The following CCSER1 variants were observed in gnomAD, a reference collection of about 807,000 sequenced individuals.
The protein encoded by CCSER1 is coiled-coil serine rich protein 1, also known as serine-rich coiled-coil domain-containing protein 1.
A neutral mutation model predicts 82.0 loss-of-function variants in CCSER1; 41 were observed. The observed-to-expected ratio is 0.50, with a 90% confidence interval of 0.39 to 0.65. CCSER1 has a LOEUF of 0.65. Ranked by LOEUF, CCSER1 falls within the 30% of genes least tolerant of loss-of-function variation. The pLI is 0.00. For missense variants in CCSER1, 1,119 were observed against 1,064.2 expected, an observed-to-expected ratio of 1.05 and a Z score of -0.72; for synonymous variants, 414 against 383.9, an observed-to-expected ratio of 1.08 and a Z score of -0.92.
At chr4:91,331,116 T>G (rs1423538046) in intron 10 of CCSER1, among the ~76,000 whole-genome samples, 1 of 152,118 alleles carries the variant, frequency 6.6e-6, no homozygotes. Context: ...GGAACTACTG[T>G]ACATGATTCA....
intron 4 of CCSER1, among the ~76,000 whole-genome samples, chr4:90,434,503 A>G (rs951481436): frequency 3.3e-5 from 5 of 152,210 alleles, no homozygotes; most frequent in Non-Finnish European, 7.3e-5. Context: ...GCAGAACTGA[A>G]GAACTTCAAA....
At chr4:90,910,376 G>A (rs1359723581) in intron 8 of CCSER1, among the ~76,000 whole-genome samples, 1 of 152,144 alleles carries the variant, frequency 6.6e-6, no homozygotes, top group African/African-American at 2.4e-5. Flanking sequence ...AGTTATCTGG[G>A]TACAAGTATT....
At chr4:90,850,262 A>G (rs1381595254) in intron 8 of CCSER1, among the ~76,000 whole-genome samples, 1 of 152,206 alleles carries the variant, frequency 6.6e-6, no homozygotes, top group Non-Finnish European at 1.5e-5. Context: ...TGGAGCCCTC[A>G]TGGCTCACTA....
chr4:90,345,878 AT>A (rs1561067270), intron 3 of CCSER1, among the ~76,000 whole-genome samples: 1 of 152,138 alleles, frequency 6.6e-6, no homozygotes, highest in Non-Finnish European at 1.5e-5. Flanking sequence ...CATTTCAGAA[AT>A]TAACCATTAC....
chr4:90,979,828 G>A (rs192002095), intron 9 of CCSER1, among the ~76,000 whole-genome samples: 26 of 151,824 alleles, frequency 1.7e-4, no homozygotes, highest in Admixed American at 1.6e-3. Flanking sequence ...CTCTCCCTGT[G>A]TTAAGCCATA....
At chr4:91,380,700 G>A (rs535213816) in intron 10 of CCSER1, among the ~76,000 whole-genome samples, 2 of 152,088 alleles carry the variant, frequency 1.3e-5, no homozygotes, top group Admixed American at 6.6e-5. Flanking sequence ...CTCTTTATCT[G>A]ATTTGCCAGT....
At chr4:90,997,909 C>G (rs977375759) in intron 9 of CCSER1, among the ~76,000 whole-genome samples, 1 of 152,026 alleles carries the variant, frequency 6.6e-6, no homozygotes, top group Non-Finnish European at 1.5e-5. Flanking sequence ...AAGCTGAGAG[C>G]ATAATATTGA....
Position 90,395,272 on chromosome 4 carries a change from T to C in CCSER1, c.1510-4764T>C, listed in dbSNP as rs148776360. Among the ~76,000 whole-genome samples the C allele has an allele frequency of 1.1e-3, 175 of 152,350 alleles. 1 individual carries two copies. The highest frequency in any genetic ancestry group is 2.0e-3 in the Non-Finnish European group (138 of 68,022). ...ACGATTTCCTACTTTTAGCCACTTTTAAAGGAGAAAATTGTACATGTTACA... is the reference window on the plus strand; with the variant it reads ...ACGATTTCCTACTTTTAGCCACTTTCAAAGGAGAAAATTGTACATGTTACA... On this transcript the variant is annotated intron_variant, in intron 3 of 10. Transcript: ENST00000509176.
At chr4:90,841,987 T>G (rs1022938899) in intron 8 of CCSER1, among the ~76,000 whole-genome samples, 1 of 152,084 alleles carries the variant, frequency 6.6e-6, no homozygotes, top group African/African-American at 2.4e-5. Flanking sequence ...CTTTTCATAT[T>G]TCCCTTTTCC....
At chr4:90,540,047 G>C (rs1264501455) in intron 5 of CCSER1, among the ~76,000 whole-genome samples, 1 of 152,026 alleles carries the variant, frequency 6.6e-6, no homozygotes, top group Admixed American at 6.6e-5. Context: ...TATAAGGAAC[G>C]GAGCAAATTA....
At chr4:90,297,646 T>A (rs1003989346) in intron 1 of CCSER1, among the ~76,000 whole-genome samples, 8 of 151,230 alleles carry the variant, frequency 5.3e-5, no homozygotes, top group African/African-American at 2.0e-4. Context: ...TAGATAGCTC[T>A]TATTATTTTG....
At chr4:91,350,719 T>TA (rs1029297290) in intron 10 of CCSER1, among the ~76,000 whole-genome samples, 3 of 152,106 alleles carry the variant, frequency 2.0e-5, no homozygotes, top group East Asian at 1.9e-4. Context: ...TTAGGAAAGG[T>TA]AAAAAATATT....
chr4:91,356,236 C>G (rs993743769), intron 10 of CCSER1, among the ~76,000 whole-genome samples: 4 of 152,236 alleles, frequency 2.6e-5, no homozygotes, highest in African/African-American at 9.6e-5. Flanking sequence ...TTTTCTCTTT[C>G]TGACACATAG....
chr4:90,779,602 G>T (rs777110479), intron 7 of CCSER1, among the ~76,000 whole-genome samples: 11 of 152,148 alleles, frequency 7.2e-5, no homozygotes, highest in Non-Finnish European at 1.3e-4. Flanking sequence ...GTTCCTCATG[G>T]GTTATGCATG....
At position 91,599,074 on chromosome 4, in the gene CCSER1, CT is replaced by C; in HGVS notation, c.*18del. ...GATGGGTAATTAAATCACCGTATTC[CT>C]GTCTTTGGGTAGGATAAAGATGGTT... On this transcript the variant is annotated 3_prime_UTR_variant, in exon 11 of 11. Transcript: ENST00000509176. 1 of 1,517,450 alleles carries C rather than the reference CT, an allele frequency of 6.6e-7. No individual in the cohort carries two copies. The highest frequency in any genetic ancestry group is 8.9e-7 in the Non-Finnish European group (1 of 1,126,966). The allele number at this position is 1,517,450 out of a possible 1,614,324, so 94.0% of individuals were successfully genotyped here.
At chr4:90,211,498 C>T (rs1399636772) in intron 1 of CCSER1, among the ~76,000 whole-genome samples, 2 of 152,168 alleles carry the variant, frequency 1.3e-5, no homozygotes, top group Non-Finnish European at 2.9e-5. Context: ...GTGGAATCTC[C>T]ATTGCATTTT....
chr4:90,223,183 T>G (rs951866518), intron 1 of CCSER1, among the ~76,000 whole-genome samples: 3 of 152,196 alleles, frequency 2.0e-5, no homozygotes, highest in African/African-American at 7.2e-5. Context: ...AGTTTCAAAA[T>G]GTTGTATAAA....
At chr4:90,957,525 A>ATCTAT (rs1733602928) in intron 9 of CCSER1, among the ~76,000 whole-genome samples, 1 of 124,404 alleles carries the variant, frequency 8.0e-6, no homozygotes, top group African/African-American at 3.0e-5. Context: ...ACATAATATC[A>ATCTAT]TATATTATAT....
intron 10 of CCSER1, among the ~76,000 whole-genome samples, chr4:91,555,850 A>G (rs575450336): frequency 4.0e-5 from 6 of 151,338 alleles, no homozygotes; most frequent in Non-Finnish European, 8.9e-5. Context: ...TGTGCTTTTC[A>G]AACTCATTAA....
Sources: gnomAD v4.1 joint callset for allele counts (sites outside exome capture counted in the v4.1 genomes callset) on GRCh38, gnomAD v4.1.1 for gene constraint, MANE v1.5 for transcripts, NCBI Gene and HGNC (gene_info 2026-07-23, HGNC 2026-07-21) for gene names.